Variants in ZNF487 observed in about 807,000 individuals in gnomAD.
ZNF487 encodes the protein zinc finger protein 487.
In ZNF487, 4 loss-of-function variants were observed where a neutral mutation model predicts 3.0. The observed-to-expected ratio is 1.35, with a 90% confidence interval of 0.66 to 3.08. The LOEUF is 3.08. Ranked by LOEUF, ZNF487 falls within the 30% of genes most tolerant of loss-of-function variation. The probability of loss-of-function intolerance (pLI) is 0.01; values close to 1 mark genes in which losing one functional copy is unlikely to be tolerated. For missense variants in ZNF487, 146 were observed against 98.7 expected, an observed-to-expected ratio of 1.48 and a Z score of -2.03; for synonymous variants, 55 against 34.6, an observed-to-expected ratio of 1.59 and a Z score of -2.06.
At position 43,460,399 on chromosome 10, in the gene ZNF487, T is replaced by C. The variant is rs1343927246; in HGVS notation, c.-93-15322T>C. Among the ~76,000 whole-genome samples, 17 of 149,324 alleles carry C rather than the reference T, an allele frequency of 1.1e-4. No individual in the cohort carries two copies. The South Asian group carries it at 3.6e-3, about 32-fold the overall frequency. On this transcript the variant is annotated intron_variant, in intron 1 of 3. Coordinates refer to ENST00000437590, the MANE Select transcript of ZNF487 (RefSeq NM_001355444.3). ...TTCTTTCTTTTTTTTTTTTTTTTTT[T>C]TGAGACCAAGTTGTCGCCCAGGCTG...
At chr10:43,477,508 CA>C (rs748348226) in intron 3 of ZNF487, among the ~76,000 whole-genome samples, 182 of 151,822 alleles carry the variant, frequency 1.2e-3, no homozygotes, top group Non-Finnish European at 2.0e-3. Context: ...AAATTCCTTT[CA>C]TTGTTAAGAC....
the ZNF487 span, among the ~76,000 whole-genome samples, chr10:43,519,628 C>G: frequency 6.6e-6 from 1 of 152,198 alleles, no homozygotes; most frequent in African/African-American, 2.4e-5. Flanking sequence ...CCACCACACC[C>G]AGCTAAGTTT....
chr10:43,482,459 G>A lies in ZNF487; in HGVS notation c.*537G>A, dbSNP rs150906204. ...AACTTTTGGATATAGGTCATGCCTT[G>A]CAGTACATCAAAGAACACACACGGG... On this transcript the variant is annotated 3_prime_UTR_variant, in exon 4 of 4. Coordinates refer to ENST00000437590, the MANE Select transcript of ZNF487 (RefSeq NM_001355444.3). The A allele has an allele frequency of 2.8e-5, 13 of 470,406 alleles. No homozygotes were observed. Among genetic ancestry groups the A allele is most frequent in the African/African-American group, 2.0e-4 (10 of 50,230 alleles). 29.1% of individuals were successfully genotyped at this position (470,406 alleles called of 1,614,324 possible).
the ZNF487 span, among the ~76,000 whole-genome samples, chr10:43,509,937 C>A: frequency 6.6e-6 from 1 of 152,142 alleles, no homozygotes; most frequent in Non-Finnish European, 1.5e-5. Flanking sequence ...ATATAATCTT[C>A]AAATAAAGAC....
chr10:43,436,868 G>T (rs1024889072), upstream of ZNF487: 1 of 468,242 alleles, frequency 2.1e-6, no homozygotes, highest in East Asian at 7.1e-5. Context: ...ACGCCCAGCC[G>T]CGGTCCCAGC....
chr10:43,475,429 C>T (rs914918805), intron 1 of ZNF487, among the ~76,000 whole-genome samples: 5 of 151,790 alleles, frequency 3.3e-5, no homozygotes, highest in Middle Eastern at 3.4e-3. Context: ...GTGGCAGAAT[C>T]GCTTGTGCCC....
At chr10:43,500,071 A>G in the ZNF487 span, among the ~76,000 whole-genome samples, 5 of 152,072 alleles carry the variant, frequency 3.3e-5, no homozygotes, top group Admixed American at 3.3e-4. Context: ...TTTAGTAAAG[A>G]TGGGATTTCA....
At chr10:43,521,359 T>C in the ZNF487 span, among the ~76,000 whole-genome samples, 1 of 152,146 alleles carries the variant, frequency 6.6e-6, no homozygotes, top group Non-Finnish European at 1.5e-5. Flanking sequence ...ACATATATTC[T>C]CCACAGGCAC....
chr10:43,500,822 A>G, the ZNF487 span, among the ~76,000 whole-genome samples: 4 of 152,196 alleles, frequency 2.6e-5, no homozygotes, highest in African/African-American at 9.6e-5. Flanking sequence ...AAGGCCTTTA[A>G]TGGAGAAAAC....
chr10:43,478,545 C>T (rs969634736), intron 3 of ZNF487, among the ~76,000 whole-genome samples: 5 of 151,938 alleles, frequency 3.3e-5, no homozygotes, highest in African/African-American at 1.2e-4. Flanking sequence ...GAGAGCGAAA[C>T]TCTGTCTCAA....
At chr10:43,481,363 T>A in intron 3 of ZNF487, 66 bp from the exon 4 acceptor site, 1 of 646,568 alleles carries the variant, frequency 1.5e-6, no homozygotes, top group East Asian at 2.8e-5. Context: ...AGCATGTGAA[T>A]ATGTCTCTTT....
rs1841425826 is a variant in ZNF487 at position 43,483,076 on chromosome 10, A to G, written c.*1154A>G. ...GACAACATAGAGGAAACCCTTGTCA[A>G]CATCCTGAAGGCTCAGAAACCTTCA... On this transcript the variant is annotated 3_prime_UTR_variant, in exon 4 of 4. Transcript: ENST00000437590. 2 of 457,632 alleles carry G rather than the reference A, an allele frequency of 4.4e-6. No homozygotes were observed. Among genetic ancestry groups the G allele is most frequent in the South Asian group, 1.5e-5 (1 of 64,638 alleles). The allele number at this position is 457,632 out of a possible 1,614,324, so 28.3% of individuals were successfully genotyped here.
chr10:43,484,335 G>C (rs933512380), downstream of ZNF487, among the ~76,000 whole-genome samples: 1 of 151,966 alleles, frequency 6.6e-6, no homozygotes, highest in Non-Finnish European at 1.5e-5. Flanking sequence ...GTCCAGGCGC[G>C]GTGGCTCACA....
At chr10:43,512,562 T>C in the ZNF487 span, among the ~76,000 whole-genome samples, 1 of 152,326 alleles carries the variant, frequency 6.6e-6, no homozygotes, top group African/African-American at 2.4e-5. Flanking sequence ...CTGCAGAAGA[T>C]GGCAGGGCCT....
chr10:43,457,578 A>G (rs12356220), intron 1 of ZNF487, among the ~76,000 whole-genome samples: 314 of 149,592 alleles, frequency 2.1e-3, no homozygotes, highest in Non-Finnish European at 3.4e-3. Flanking sequence ...AAAAAAAAAG[A>G]AAAAGAAAAG....
intron 1 of ZNF487, among the ~76,000 whole-genome samples, chr10:43,467,410 G>T: frequency 6.6e-6 from 1 of 150,944 alleles, no homozygotes. Context: ...TCACCATATT[G>T]GCCAGGCTGG....
At chr10:43,453,048 T>C (rs990913613) in intron 1 of ZNF487, 2 of 151,980 alleles carry the variant, frequency 1.3e-5, no homozygotes, top group Non-Finnish European at 2.9e-5. Context: ...GAGTTGGGGC[T>C]CAGTAGAGTT....
chr10:43,517,635 T>A, the ZNF487 span, among the ~76,000 whole-genome samples: 1 of 152,306 alleles, frequency 6.6e-6, no homozygotes, highest in Admixed American at 6.5e-5. Flanking sequence ...AAATAGAGGC[T>A]TTTACAGGTC....
At chr10:43,460,380 C>CTTT (rs199998705) in intron 1 of ZNF487, among the ~76,000 whole-genome samples, 58 of 121,110 alleles carry the variant, frequency 4.8e-4, no homozygotes, top group African/African-American at 1.0e-3. Context: ...TTCTTTCTTT[C>CTTT]TTTTTTTTTT....
Sources: gnomAD v4.1 joint callset for allele counts (sites outside exome capture counted in the v4.1 genomes callset) on GRCh38, gnomAD v4.1.1 for gene constraint, MANE v1.5 for transcripts, NCBI Gene and HGNC (gene_info 2026-07-23, HGNC 2026-07-21) for gene names.